GALNTL6: variants seen among roughly 807,000 people sequenced by gnomAD.
The protein encoded by GALNTL6 is polypeptide N-acetylgalactosaminyltransferase-like 6.
In GALNTL6, 46 loss-of-function variants were observed where a neutral mutation model predicts 73.7. The ratio of observed to expected loss-of-function variants is 0.62; its 90% CI spans 0.49 to 0.80. GALNTL6 has a LOEUF of 0.80. GALNTL6 is among the 30% of genes least tolerant of loss of function. The pLI is 0.00. For missense variants in GALNTL6, 604 were observed against 755.0 expected, an observed-to-expected ratio of 0.80 and a Z score of 2.34; for synonymous variants, 259 against 263.7, an observed-to-expected ratio of 0.98 and a Z score of 0.17.
At chr4:172,900,128 T>TA (rs1396613699) in intron 8 of GALNTL6, among the ~76,000 whole-genome samples, 2 of 152,144 alleles carry the variant, frequency 1.3e-5, no homozygotes, top group Non-Finnish European at 2.9e-5. Flanking sequence ...TTGTTCTGGT[T>TA]AAAACGCATC....
intron 5 of GALNTL6, among the ~76,000 whole-genome samples, chr4:172,440,857 G>A (rs1731811074): frequency 6.6e-6 from 1 of 151,732 alleles, no homozygotes; most frequent in African/African-American, 2.4e-5. Flanking sequence ...TAGAAATTAG[G>A]CCTTTTTATG....
chr4:172,942,951 T>C (rs1748986714), intron 9 of GALNTL6, among the ~76,000 whole-genome samples: 1 of 152,184 alleles, frequency 6.6e-6, no homozygotes, highest in Non-Finnish European at 1.5e-5. Context: ...TCTGATTATC[T>C]CCACTTTTCC....
At chr4:172,303,588 A>G (rs1740018069) in intron 3 of GALNTL6, among the ~76,000 whole-genome samples, 1 of 152,212 alleles carries the variant, frequency 6.6e-6, no homozygotes, top group Non-Finnish European at 1.5e-5. Context: ...GGCTCACAAT[A>G]TAATGTTATG....
chr4:172,118,241 T>C (rs563842522), intron 2 of GALNTL6, among the ~76,000 whole-genome samples: 2 of 152,178 alleles, frequency 1.3e-5, no homozygotes, highest in East Asian at 1.9e-4. Flanking sequence ...ATTTGAAATA[T>C]AAAATTTTTA....
At chr4:172,132,067 A>G (rs1327725058) in intron 2 of GALNTL6, among the ~76,000 whole-genome samples, 1 of 152,090 alleles carries the variant, frequency 6.6e-6, no homozygotes, top group Non-Finnish European at 1.5e-5. Flanking sequence ...TTAAGAGAAT[A>G]ACTCAAAAAT....
intron 5 of GALNTL6, among the ~76,000 whole-genome samples, chr4:172,622,387 T>A (rs1738996916): frequency 6.6e-6 from 1 of 152,138 alleles, no homozygotes; most frequent in South Asian, 2.1e-4. Flanking sequence ...AAAAAAATTA[T>A]GTAAGATTTC....
At chr4:172,425,741 T>C (rs1277816981) in intron 5 of GALNTL6, among the ~76,000 whole-genome samples, 2 of 152,078 alleles carry the variant, frequency 1.3e-5, no homozygotes, top group African/African-American at 2.4e-5. Flanking sequence ...ATTAAGTAGT[T>C]AATTAATTTT....
intron 2 of GALNTL6, among the ~76,000 whole-genome samples, chr4:172,090,247 C>G (rs528612886): frequency 1.3e-5 from 2 of 152,250 alleles, no homozygotes; most frequent in East Asian, 3.9e-4. Flanking sequence ...AATGGTATTT[C>G]TGGTTCTAGA....
At chr4:172,495,165 T>C (rs1028233839) in intron 5 of GALNTL6, among the ~76,000 whole-genome samples, 1 of 152,098 alleles carries the variant, frequency 6.6e-6, no homozygotes, top group African/African-American at 2.4e-5. Flanking sequence ...CATGCTCACA[T>C]GCTGAAGGGT....
chr4:171,973,199 T>C (rs1282305643), intron 2 of GALNTL6, among the ~76,000 whole-genome samples: 2 of 152,188 alleles, frequency 1.3e-5, no homozygotes, highest in Non-Finnish European at 2.9e-5. Context: ...TTTTATACTG[T>C]TTTGTCTTAA....
intron 8 of GALNTL6, among the ~76,000 whole-genome samples, chr4:172,898,150 T>TA (rs2111231761): frequency 6.6e-6 from 1 of 152,258 alleles, no homozygotes; most frequent in South Asian, 2.1e-4. Flanking sequence ...AAAATTGCAA[T>TA]AACAGAAGAG....
chr4:172,160,719 A>C (rs748448674), intron 2 of GALNTL6, among the ~76,000 whole-genome samples: 3 of 151,980 alleles, frequency 2.0e-5, no homozygotes, highest in Admixed American at 1.3e-4. Flanking sequence ...ATATGTGTAT[A>C]TACCTATTAT....
At chr4:171,921,722 T>C (rs1737793404) in intron 2 of GALNTL6, among the ~76,000 whole-genome samples, 1 of 152,102 alleles carries the variant, frequency 6.6e-6, no homozygotes, top group South Asian at 2.1e-4. Context: ...TTGATGGTGC[T>C]CTCACTTTCA....
intron 7 of GALNTL6, among the ~76,000 whole-genome samples, chr4:172,834,469 C>T (rs562161007): frequency 1.3e-5 from 2 of 152,312 alleles, no homozygotes; most frequent in Admixed American, 1.3e-4. Flanking sequence ...AAGGCACTTC[C>T]CAATAGGTCA....
At chr4:172,865,910 G>A (rs545003407) in intron 7 of GALNTL6, among the ~76,000 whole-genome samples, 4 of 152,280 alleles carry the variant, frequency 2.6e-5, no homozygotes, top group South Asian at 2.1e-4. Context: ...TTCCATGCCC[G>A]ACTCTCAGTT....
intron 5 of GALNTL6, among the ~76,000 whole-genome samples, chr4:172,559,519 T>C (rs1736275045): frequency 6.6e-6 from 1 of 152,190 alleles, no homozygotes; most frequent in African/African-American, 2.4e-5. Flanking sequence ...ATGTAACTCT[T>C]CTCTGAATAC....
intron 5 of GALNTL6, among the ~76,000 whole-genome samples, chr4:172,808,002 T>C (rs1446400053): frequency 2.0e-5 from 3 of 152,270 alleles, no homozygotes; most frequent in South Asian, 4.1e-4. Context: ...TTTGTATTTT[T>C]AGTAAAGACT....
At chr4:172,640,110 A>G (rs900271864) in intron 5 of GALNTL6, among the ~76,000 whole-genome samples, 1 of 152,074 alleles carries the variant, frequency 6.6e-6, no homozygotes, top group Admixed American at 6.6e-5. Context: ...TTTCATTCAG[A>G]TATTTGCCTC....
intron 7 of GALNTL6, among the ~76,000 whole-genome samples, chr4:172,838,765 G>C (rs1482709836): frequency 6.6e-6 from 1 of 152,052 alleles, no homozygotes; most frequent in Non-Finnish European, 1.5e-5. Context: ...AGGCACCAAA[G>C]ACTCCACTCG....
Sources: allele counts gnomAD v4.1 joint callset (sites outside exome capture counted in the v4.1 genomes callset), GRCh38; gene constraint gnomAD v4.1.1; transcripts MANE v1.5; gene names NCBI Gene and HGNC (gene_info 2026-07-23, HGNC 2026-07-21).